DTNA: variants seen among roughly 807,000 people sequenced by gnomAD.
DTNA encodes dystrobrevin alpha.
A neutral mutation model predicts 100.7 loss-of-function variants in DTNA; 43 were observed. That is an observed-to-expected ratio of 0.43 (90% confidence interval 0.33 to 0.55). The LOEUF is 0.55. Ranked by LOEUF, DTNA falls within the 20% of genes least tolerant of loss-of-function variation. The pLI is 0.04. For missense variants in DTNA, 798 were observed against 953.9 expected (o/e 0.84, Z 2.15); for synonymous variants, 349 against 347.9 (o/e 1.00, Z -0.04).
At chr18:34,587,541 GTATA>G (rs1030209816) in intron 1 of DTNA, among the ~76,000 whole-genome samples, 3 of 152,040 alleles carry the variant, frequency 2.0e-5, no homozygotes, top group African/African-American at 7.2e-5. Flanking sequence ...TTGATATAAA[GTATA>G]TATTTACACA....
intron 1 of DTNA, among the ~76,000 whole-genome samples, chr18:34,697,840 G>A (rs1163174424): frequency 6.6e-6 from 1 of 152,178 alleles, no homozygotes; most frequent in East Asian, 1.9e-4. Context: ...AAAGAAGGCA[G>A]TCAGGCATGG....
chr18:34,589,007 A>T (rs935192415), intron 1 of DTNA, among the ~76,000 whole-genome samples: 2 of 150,436 alleles, frequency 1.3e-5, no homozygotes, highest in African/African-American at 4.9e-5. Flanking sequence ...TTATAATACT[A>T]TACTAATTAT....
At chr18:34,569,828 C>G (rs1158401413) in intron 1 of DTNA, among the ~76,000 whole-genome samples, 1 of 151,872 alleles carries the variant, frequency 6.6e-6, no homozygotes, top group East Asian at 1.9e-4. Flanking sequence ...TTATGGAGAC[C>G]AGTCTGCTTT....
chr18:34,808,905 G>A (rs376046741), intron 5 of DTNA, among the ~76,000 whole-genome samples: 1 of 152,116 alleles, frequency 6.6e-6, no homozygotes, highest in Non-Finnish European at 1.5e-5. Flanking sequence ...GTGTGACCCC[G>A]ATAAATCGCA....
chr18:34,781,968 T>C lies in DTNA; in HGVS notation c.149-12069T>C, dbSNP rs1010327497. ...ATGGCTGCCAGCCCTATCGGTGCTCTTTCAGAATGTGGCCTCTGGCTTCTA... is the reference window on the plus strand; with the variant it reads ...ATGGCTGCCAGCCCTATCGGTGCTCCTTCAGAATGTGGCCTCTGGCTTCTA... On this transcript the variant is annotated intron_variant, in intron 3 of 22. Coordinates refer to ENST00000444659, the MANE Select transcript of DTNA (RefSeq NM_001386795.1). Among the ~76,000 whole-genome samples, 20 of 152,228 alleles carry C rather than the reference T, an allele frequency of 1.3e-4. No homozygotes were observed. In the East Asian group the frequency reaches 1.5e-3, roughly 12 times the overall value.
chr18:34,830,840 A>T (rs558121028), intron 11 of DTNA, among the ~76,000 whole-genome samples: 1 of 152,188 alleles, frequency 6.6e-6, no homozygotes, highest in African/African-American at 2.4e-5. Context: ...TTATAAATTT[A>T]TGGGAAAGAA....
intron 1 of DTNA, among the ~76,000 whole-genome samples, chr18:34,624,709 A>G (rs994831561): frequency 3.3e-5 from 5 of 152,234 alleles, no homozygotes; most frequent in Admixed American, 6.5e-5. Flanking sequence ...TTGAGAGATA[A>G]AAAGATGAAT....
At chr18:34,871,100 C>G (rs2096761159) in intron 17 of DTNA, among the ~76,000 whole-genome samples, 1 of 152,216 alleles carries the variant, frequency 6.6e-6, no homozygotes, top group African/African-American at 2.4e-5. Context: ...ACTGCATTCT[C>G]AGCCAAACTG....
intron 1 of DTNA, among the ~76,000 whole-genome samples, chr18:34,526,247 A>C (rs543182153): frequency 6.6e-6 from 1 of 152,152 alleles, no homozygotes; most frequent in Non-Finnish European, 1.5e-5. Context: ...GTTGTGATTT[A>C]ATGACCTTTG....
intron 1 of DTNA, among the ~76,000 whole-genome samples, chr18:34,731,527 A>C (rs2088221603): frequency 6.6e-6 from 1 of 152,150 alleles, no homozygotes; most frequent in African/African-American, 2.4e-5. Flanking sequence ...GATAAAAGGG[A>C]TATACAATAC....
intron 10 of DTNA, 51 bp downstream of exon 10, chr18:34,827,727 T>C: frequency 1.3e-6 from 2 of 1,558,042 alleles, no homozygotes; most frequent in Non-Finnish European, 1.8e-6. Flanking sequence ...TAATGAGCCT[T>C]GATTCTGTGG....
intron 4 of DTNA, among the ~76,000 whole-genome samples, chr18:34,801,042 ACACC>A (rs1389840427): frequency 6.6e-6 from 1 of 152,216 alleles, no homozygotes; most frequent in Non-Finnish European, 1.5e-5. Context: ...TTAACATAAA[ACACC>A]CTACAAATCA....
At chr18:34,556,464 C>T (rs958598710) in intron 1 of DTNA, among the ~76,000 whole-genome samples, 9 of 151,200 alleles carry the variant, frequency 6.0e-5, no homozygotes, top group Non-Finnish European at 1.3e-4. Context: ...TCTTCCTAGT[C>T]TCGATGGTCT....
chr18:34,721,279 C>T (rs1009654941), intron 1 of DTNA, among the ~76,000 whole-genome samples: 12 of 152,134 alleles, frequency 7.9e-5, no homozygotes, highest in Non-Finnish European at 1.6e-4. Context: ...AAATAAAGAA[C>T]TCTTACATTT....
intron 4 of DTNA, among the ~76,000 whole-genome samples, chr18:34,798,441 G>T (rs1429439986): frequency 1.3e-5 from 2 of 151,896 alleles, no homozygotes; most frequent in African/African-American, 2.4e-5. Context: ...AGTGTTCATG[G>T]TTACCAATGT....
Position 34,888,983 on chromosome 18 carries a change from G to C in DTNA, c.*1249G>C. On this transcript the variant is annotated 3_prime_UTR_variant, in exon 23 of 23. Transcript: ENST00000444659. ...TTGGGATTTTTGCACTCAGTGAAAA[G>C]CTGAAGTGCAAAAGAGCTATCAAAG... is the stretch of plus-strand genomic sequence containing the variant. 1 of 985,878 alleles carries C rather than the reference G, an allele frequency of 1.0e-6. No homozygotes were observed. The allele number at this position is 985,878 out of a possible 1,614,324, so 61.1% of individuals were successfully genotyped here. A position where few individuals can be genotyped will look rare whatever the true frequency, so the allele number is the denominator to read the frequency against.
rs117888328 is a variant in DTNA at position 34,884,573 on chromosome 18, C to T, written c.2296-155C>T. Reference sequence around the variant, plus strand: ...TTTCCTTGAATGCTCTGTGAGCATACGGTTGTTGGATGGATTGGAACGCTA... The same window carrying T: ...TTTCCTTGAATGCTCTGTGAGCATATGGTTGTTGGATGGATTGGAACGCTA... On this transcript the variant is annotated intron_variant, in intron 21 of 22. Transcript: ENST00000444659. Among the ~76,000 whole-genome samples the T allele has an allele frequency of 4.1e-3, 617 of 152,252 alleles. 3 individuals are homozygous for T. The highest frequency in any genetic ancestry group is 6.2e-3 in the Non-Finnish European group (425 of 68,010).
intron 1 of DTNA, among the ~76,000 whole-genome samples, chr18:34,701,738 G>T (rs949071395): frequency 7.5e-4 from 114 of 152,274 alleles, no homozygotes; most frequent in African/African-American, 2.4e-3. Flanking sequence ...ATCTCAGAAT[G>T]CTGGGAGGTT....
At chr18:34,720,088 A>G (rs2084946053) in intron 1 of DTNA, among the ~76,000 whole-genome samples, 1 of 152,206 alleles carries the variant, frequency 6.6e-6, no homozygotes, top group African/African-American at 2.4e-5. Flanking sequence ...GTTGGCAGCC[A>G]GAAAAGGGAA....
Sources: gnomAD v4.1 joint callset for allele counts (sites outside exome capture counted in the v4.1 genomes callset) on GRCh38, gnomAD v4.1.1 for gene constraint, MANE v1.5 for transcripts, NCBI Gene and HGNC (gene_info 2026-07-23, HGNC 2026-07-21) for gene names.